Variants in WDR1 observed in about 807,000 individuals in gnomAD.
WDR1 encodes the protein WD repeat-containing protein 1.
In WDR1, 21 loss-of-function variants were observed where a neutral mutation model predicts 71.9. That is an observed-to-expected ratio of 0.29 (90% confidence interval 0.21 to 0.42). The LOEUF (loss-of-function observed/expected upper bound fraction) is 0.42. WDR1 is among the 10% of genes least tolerant of loss of function. The pLI is 1.00. For missense variants in WDR1, 696 were observed against 824.5 expected, an observed-to-expected ratio of 0.84 and a Z score of 1.91; for synonymous variants, 424 against 347.4, an observed-to-expected ratio of 1.22 and a Z score of -2.45.
At chr4:10,097,617 G>T in intron 5 of WDR1, 94 bp downstream of exon 5, 1 of 1,418,484 alleles carries the variant, frequency 7.0e-7, no homozygotes, top group Non-Finnish European at 9.6e-7. Context: ...CGTGGCATGT[G>T]CTGTGGTCTC....
At chr4:10,108,941 G>A (rs1357280695) in intron 2 of WDR1, among the ~76,000 whole-genome samples, 2 of 152,134 alleles carry the variant, frequency 1.3e-5, no homozygotes, top group Admixed American at 6.5e-5. Context: ...TCTGTACTAC[G>A]TGGACACCAG....
chr4:10,109,156 T>C (rs1259178552), intron 2 of WDR1, among the ~76,000 whole-genome samples: 1 of 152,240 alleles, frequency 6.6e-6, no homozygotes, highest in Non-Finnish European at 1.5e-5. Context: ...GGTAACCTCA[T>C]AATCCCACAT....
chr4:10,111,696 C>T, intron 2 of WDR1, among the ~76,000 whole-genome samples: 1 of 152,152 alleles, frequency 6.6e-6, no homozygotes, highest in East Asian at 1.9e-4. Flanking sequence ...CTCTGTCATG[C>T]CACCATTACC....
intron 5 of WDR1, chr4:10,092,881 G>A (rs1578430708): frequency 2.4e-6 from 1 of 422,680 alleles, no homozygotes; most frequent in East Asian, 7.3e-5. Flanking sequence ...CGGGGCTGCA[G>A]CAGTCTCAGT....
At chr4:10,093,227 G>A (rs772243628) in intron 5 of WDR1, 4 of 1,114,220 alleles carry the variant, frequency 3.6e-6, no homozygotes, top group Non-Finnish European at 4.8e-6. Flanking sequence ...AGCCTCAGCT[G>A]ACCCTGTACA....
intron 4 of WDR1, among the ~76,000 whole-genome samples, chr4:10,098,132 T>C (rs1469486158): frequency 2.0e-5 from 3 of 152,000 alleles, no homozygotes; most frequent in African/African-American, 7.2e-5. Flanking sequence ...AGGGGATGCA[T>C]GTGTGTGTCT....
Position 10,077,849 on chromosome 4 carries a change from G to A in WDR1, c.1473C>T (p.Pro491=), listed in dbSNP as rs550395912. The A allele has an allele frequency of 3.5e-5, 57 of 1,610,434 alleles. 1 individual carries two copies. The East Asian group carries it at 4.5e-4, about 13-fold the overall frequency. ...CGTGGGAGTAGGCCACGTCGGTCAC[G>A]GGGCCCTTGGCCTCTAGGAGCTTGC... ...DEGKLLEAKG[P]VTDVAYSHDG... Residue 491 remains proline, a synonymous_variant, in exon 13 of 15, where the codon CCC becomes CCT. Transcript: ENST00000499869.
intron 4 of WDR1, among the ~76,000 whole-genome samples, chr4:10,098,783 T>C (rs1445892074): frequency 6.6e-6 from 1 of 152,224 alleles, no homozygotes; most frequent in African/African-American, 2.4e-5. Flanking sequence ...ACATGAGTGC[T>C]GGGCCCTGGT....
At chr4:10,095,179 G>A (rs1712254696) in intron 5 of WDR1, among the ~76,000 whole-genome samples, 1 of 152,256 alleles carries the variant, frequency 6.6e-6, no homozygotes, top group Admixed American at 6.5e-5. Context: ...ACCAAGGCCT[G>A]AGCGCTGGTG....
chr4:10,079,604 T>G (rs1284764150), intron 11 of WDR1, among the ~76,000 whole-genome samples: 1 of 152,180 alleles, frequency 6.6e-6, no homozygotes, highest in Non-Finnish European at 1.5e-5. Context: ...CTCCCTTCCT[T>G]GTCAATTCTT....
At chr4:10,082,978 A>G (rs557407399) in intron 10 of WDR1, 44 bp downstream of exon 10, 21 of 1,576,164 alleles carry the variant, frequency 1.3e-5, no homozygotes, top group African/African-American at 2.7e-5. Flanking sequence ...CTCCGAGGGG[A>G]GCTGAGGCTC....
At chr4:10,080,360 C>CTG (rs58965575) in intron 11 of WDR1, among the ~76,000 whole-genome samples, 45,455 of 152,104 alleles carry the variant, frequency 0.3, 7,176 homozygotes, top group East Asian at 0.54. Flanking sequence ...GATAGGCCAC[C>CTG]TGCCAGCCTT....
At chr4:10,086,822 C>T (rs1282173755) in intron 8 of WDR1, among the ~76,000 whole-genome samples, 1 of 152,140 alleles carries the variant, frequency 6.6e-6, no homozygotes, top group Admixed American at 6.5e-5. Context: ...GAGGGGTCAC[C>T]CACCCTGGGC....
chr4:10,104,136 C>T, intron 2 of WDR1, 150 bp from the exon 3 acceptor site: 2 of 753,254 alleles, frequency 2.7e-6, no homozygotes, highest in African/African-American at 3.5e-5. Flanking sequence ...TACCACTTGC[C>T]TACGTATCTA....
At chr4:10,116,425 C>G in intron 1 of WDR1, 191 bp from the exon 2 acceptor site, 1 of 913,144 alleles carries the variant, frequency 1.1e-6, no homozygotes, top group East Asian at 3.2e-5. Context: ...CCCTTGGGGG[C>G]AGCGGGGCTC....
chr4:10,092,950 C>A, intron 5 of WDR1: 1 of 766,756 alleles, frequency 1.3e-6, no homozygotes. Flanking sequence ...GCCTGTCCTC[C>A]CTTGCAGCCA....
intron 1 of WDR1, 132 bp from the exon 2 acceptor site, chr4:10,116,366 C>T (rs1259750079): frequency 1.5e-6 from 2 of 1,361,320 alleles, no homozygotes; most frequent in South Asian, 1.4e-5. Context: ...CTCCACTTTC[C>T]ACGAGCGCCA....
intron 5 of WDR1, chr4:10,096,189 G>A (rs751517739): frequency 6.6e-6 from 1 of 152,210 alleles, no homozygotes; most frequent in Non-Finnish European, 1.5e-5. Context: ...CACAGCTGCA[G>A]AGTGGAAATG....
chr4:10,109,581 T>C (rs1166814654), intron 2 of WDR1, among the ~76,000 whole-genome samples: 1 of 152,186 alleles, frequency 6.6e-6, no homozygotes, highest in East Asian at 1.9e-4. Context: ...CCCTCCTGCC[T>C]CCCAGCTCAG....
Sources: allele counts gnomAD v4.1 joint callset (sites outside exome capture counted in the v4.1 genomes callset), GRCh38; gene constraint gnomAD v4.1.1; transcripts MANE v1.5; gene names NCBI Gene and HGNC (gene_info 2026-07-23, HGNC 2026-07-21).